The following CA10 variants were observed in gnomAD, a reference collection of about 807,000 sequenced individuals.
CA10 encodes carbonic anhydrase 10 (inactive), also known as carbonic anhydrase-related protein 10.
Under a neutral mutation model 44.2 loss-of-function variants are expected in CA10, and 14 were observed. The ratio of observed to expected loss-of-function variants is 0.32; its 90% CI spans 0.21 to 0.50. CA10 has a LOEUF of 0.50. Among genes scored for constraint, CA10 ranks in the 20% least tolerant of loss-of-function variants. The pLI, the probability that CA10 is intolerant of heterozygous loss-of-function variation, is 0.99. For missense variants in CA10, 350 were observed against 409.7 expected (o/e 0.85, Z 1.26); for synonymous variants, 159 against 141.6 (o/e 1.12, Z -0.87).
intron 2 of CA10, among the ~76,000 whole-genome samples, chr17:51,975,324 T>G (rs1357665835): frequency 6.6e-6 from 1 of 152,210 alleles, no homozygotes; most frequent in Non-Finnish European, 1.5e-5. Context: ...AATAATTACA[T>G]TAAGTGTCAA....
chr17:52,152,356 G>A (rs1598242805), intron 1 of CA10, among the ~76,000 whole-genome samples: 1 of 152,036 alleles, frequency 6.6e-6, no homozygotes, highest in African/African-American at 2.4e-5. Context: ...CTCCCTAAGT[G>A]GGCTCATCCC....
chr17:52,087,579 T>A (rs1437675736), intron 1 of CA10, among the ~76,000 whole-genome samples: 1 of 152,224 alleles, frequency 6.6e-6, no homozygotes, highest in African/African-American at 2.4e-5. Context: ...ACAGCAAATA[T>A]TCAACATGAC....
At position 52,097,590 on chromosome 17, in the gene CA10, A is replaced by C. The variant is rs999216649; in HGVS notation, c.62-25197T>G. Among the ~76,000 whole-genome samples, 2 of 152,288 alleles carry C rather than the reference A, an allele frequency of 1.3e-5. 1 individual carries two copies. Among genetic ancestry groups the C allele is most frequent in the South Asian group, 4.1e-4 (2 of 4,824 alleles). ...TCTGGGTTGACACGGAATAAGTCTGACCTTTCTTTCATATCACTGCCTTAC... is the reference window on the plus strand; with the variant it reads ...TCTGGGTTGACACGGAATAAGTCTGCCCTTTCTTTCATATCACTGCCTTAC... On this transcript the variant is annotated intron_variant, in intron 1 of 8. Transcript: ENST00000451037.
intron 1 of CA10, among the ~76,000 whole-genome samples, chr17:52,090,869 T>G (rs1458382604): frequency 6.6e-6 from 1 of 152,088 alleles, no homozygotes; most frequent in Non-Finnish European, 1.5e-5. Flanking sequence ...CTGGGCTTCT[T>G]TAAAGGAAAG....
chr17:52,084,881 A>T (rs1335752995), intron 1 of CA10, among the ~76,000 whole-genome samples: 2 of 152,212 alleles, frequency 1.3e-5, no homozygotes, highest in Admixed American at 6.5e-5. Context: ...GAGATGTTAG[A>T]AAATGTATAA....
chr17:51,962,392 C>T (rs1302288754), intron 2 of CA10, among the ~76,000 whole-genome samples: 1 of 152,234 alleles, frequency 6.6e-6, no homozygotes, highest in Non-Finnish European at 1.5e-5. Flanking sequence ...GTACATGGGC[C>T]TGCCCGGTCT....
chr17:52,127,847 A>G (rs1180325589), intron 1 of CA10, among the ~76,000 whole-genome samples: 1 of 152,254 alleles, frequency 6.6e-6, no homozygotes, highest in Non-Finnish European at 1.5e-5. Context: ...TTGATAACAG[A>G]TATCCTGTGA....
intron 1 of CA10, among the ~76,000 whole-genome samples, chr17:52,073,299 G>T (rs994615008): frequency 6.6e-6 from 1 of 152,042 alleles, no homozygotes; most frequent in African/African-American, 2.4e-5. Context: ...TTCTGAGTTA[G>T]AAAGAATGGG....
intron 2 of CA10, among the ~76,000 whole-genome samples, chr17:52,034,289 AGT>A (rs1001887146): frequency 6.6e-6 from 1 of 152,284 alleles, no homozygotes; most frequent in East Asian, 1.9e-4. Flanking sequence ...TGGTTTCATG[AGT>A]GTGTATTTAT....
At chr17:51,972,635 C>A (rs78462372) in intron 2 of CA10, among the ~76,000 whole-genome samples, 1,838 of 152,010 alleles carry the variant, frequency 0.012, 28 homozygotes, top group African/African-American at 0.042. Flanking sequence ...CAAAAAGAGG[C>A]CCTTGTTTGA....
rs74799053 is a variant in CA10, at chr17:52,151,422, A to C, written c.61+6304T>G. Among the ~76,000 whole-genome samples, 1,329 of 152,192 alleles carry C rather than the reference A, an allele frequency of 8.7e-3. 30 individuals carry two copies. Among genetic ancestry groups the C allele is most frequent in the African/African-American group, 0.03 (1,267 of 41,552 alleles). ...AGGTCTAGGTCAAATGTTTTCTATA[A>C]ACATTTTCCCTTCTCCACTTGTATC... On this transcript the variant is annotated intron_variant, in intron 1 of 8. Coordinates refer to ENST00000451037, the MANE Select transcript of CA10 (RefSeq NM_020178.5).
chr17:52,003,100 T>TAC (rs1398725879), intron 2 of CA10, among the ~76,000 whole-genome samples: 2 of 152,002 alleles, frequency 1.3e-5, no homozygotes, highest in Non-Finnish European at 2.9e-5. Flanking sequence ...CCTCAGGTTA[T>TAC]ACGATGGGCC....
At chr17:51,834,879 C>T (rs1333607607) in intron 3 of CA10, among the ~76,000 whole-genome samples, 1 of 152,172 alleles carries the variant, frequency 6.6e-6, no homozygotes, top group Admixed American at 6.5e-5. Context: ...CAAAAGCAGA[C>T]TTTATTGGGC....
chr17:51,801,933 A>G (rs1178959768), intron 3 of CA10, among the ~76,000 whole-genome samples: 1 of 152,210 alleles, frequency 6.6e-6, no homozygotes, highest in African/African-American at 2.4e-5. Flanking sequence ...GAGAACAATT[A>G]CTGATAGACC....
At chr17:51,812,826 C>G (rs1907422916) in intron 3 of CA10, among the ~76,000 whole-genome samples, 1 of 152,126 alleles carries the variant, frequency 6.6e-6, no homozygotes. Context: ...CAAGAAATAG[C>G]TCAGGGGAGG....
chr17:51,721,349 A>G (rs1916343826), intron 4 of CA10, among the ~76,000 whole-genome samples: 2 of 151,870 alleles, frequency 1.3e-5, no homozygotes. Context: ...AATAAACTTT[A>G]TTTTATTTAT....
chr17:51,865,554 C>A (rs534608272), intron 3 of CA10, among the ~76,000 whole-genome samples: 162 of 152,284 alleles, frequency 1.1e-3, no homozygotes, highest in Non-Finnish European at 2.0e-3. Context: ...TCCATGGCCT[C>A]AGGGAGCCGG....
chr17:51,905,084 T>C (rs1466902833), intron 3 of CA10, among the ~76,000 whole-genome samples: 3 of 152,058 alleles, frequency 2.0e-5, no homozygotes, highest in Non-Finnish European at 4.4e-5. Context: ...CCATCAAAGG[T>C]GTAAGTAAAT....
At chr17:51,718,376 C>G (rs1916243283) in intron 4 of CA10, among the ~76,000 whole-genome samples, 1 of 152,120 alleles carries the variant, frequency 6.6e-6, no homozygotes, top group Non-Finnish European at 1.5e-5. Flanking sequence ...AGCTAATCAC[C>G]AATGACCAAT....
Sources: gnomAD v4.1 joint callset for allele counts (sites outside exome capture counted in the v4.1 genomes callset) on GRCh38, gnomAD v4.1.1 for gene constraint, MANE v1.5 for transcripts, NCBI Gene and HGNC (gene_info 2026-07-23, HGNC 2026-07-21) for gene names.